GPM6A: variants seen among roughly 807,000 people sequenced by gnomAD.
GPM6A encodes neuronal membrane glycoprotein M6-a.
A neutral mutation model predicts 32.1 loss-of-function variants in GPM6A; 7 were observed. The ratio of observed to expected loss-of-function variants is 0.22; its 90% CI spans 0.12 to 0.41. The LOEUF (loss-of-function observed/expected upper bound fraction) is 0.41. Among genes scored for constraint, GPM6A ranks in the 10% least tolerant of loss-of-function variants. The probability of loss-of-function intolerance (pLI) is 1.00; values close to 1 mark genes in which losing one functional copy is unlikely to be tolerated. For missense variants in GPM6A, 235 were observed against 347.2 expected, an observed-to-expected ratio of 0.68 and a Z score of 2.57; for synonymous variants, 130 against 123.4, an observed-to-expected ratio of 1.05 and a Z score of -0.35.
intron 1 of GPM6A, among the ~76,000 whole-genome samples, chr4:175,913,621 G>T (rs1331177807): frequency 6.6e-6 from 1 of 152,138 alleles, no homozygotes; most frequent in African/African-American, 2.4e-5. Context: ...CAGCGAATTT[G>T]CTTCTCCTAG....
chr4:175,685,916 AGTGTGTGTGT>A (rs56903622), intron 2 of GPM6A, among the ~76,000 whole-genome samples: 1 of 149,420 alleles, frequency 6.7e-6, no homozygotes. Context: ...GATCATTAAA[AGTGTGTGTGT>A]GTGTGTGTGT....
intron 1 of GPM6A, among the ~76,000 whole-genome samples, chr4:175,903,712 A>G (rs1738038171): frequency 6.6e-6 from 1 of 152,174 alleles, no homozygotes. Context: ...ATTCCATAAA[A>G]TAAGTGTCCT....
At chr4:175,639,572 A>G (rs1262578900) in intron 6 of GPM6A, among the ~76,000 whole-genome samples, 1 of 152,172 alleles carries the variant, frequency 6.6e-6, no homozygotes, top group Non-Finnish European at 1.5e-5. Context: ...ATGCCAAGTT[A>G]GAAAGGAGGA....
chr4:175,983,216 T>G (rs1192467279), intron 1 of GPM6A, among the ~76,000 whole-genome samples: 1 of 152,194 alleles, frequency 6.6e-6, no homozygotes, highest in Non-Finnish European at 1.5e-5. Flanking sequence ...ACTCTTCAAG[T>G]GGCTGTGATT....
intron 1 of GPM6A, among the ~76,000 whole-genome samples, chr4:175,702,326 A>T (rs923300571): frequency 1.3e-5 from 2 of 152,230 alleles, no homozygotes; most frequent in Admixed American, 6.5e-5. Flanking sequence ...TTGTGTCGGA[A>T]CATTAAGATT....
intron 1 of GPM6A, among the ~76,000 whole-genome samples, chr4:175,981,137 A>C (rs1291709461): frequency 2.0e-5 from 3 of 152,158 alleles, no homozygotes; most frequent in Non-Finnish European, 4.4e-5. Context: ...CTGGGGAAAT[A>C]GTTTTTATTT....
intron 1 of GPM6A, among the ~76,000 whole-genome samples, chr4:175,706,950 G>A (rs114111550): frequency 6.6e-6 from 1 of 152,164 alleles, no homozygotes; most frequent in African/African-American, 2.4e-5. Context: ...ATGCTATAAG[G>A]CACTCCCACC....
At chr4:175,963,195 A>G (rs1240898255) in intron 1 of GPM6A, among the ~76,000 whole-genome samples, 1 of 152,148 alleles carries the variant, frequency 6.6e-6, no homozygotes, top group East Asian at 1.9e-4. Context: ...ACATATTTAT[A>G]ATGAGAATTC....
intron 2 of GPM6A, among the ~76,000 whole-genome samples, chr4:175,677,448 T>C (rs1335757268): frequency 6.6e-6 from 1 of 152,120 alleles, no homozygotes; most frequent in Non-Finnish European, 1.5e-5. Flanking sequence ...TAGGGAATGA[T>C]TTTCTTGTAG....
At chr4:175,814,151 T>C (rs1031237919), upstream of GPM6A, among the ~76,000 whole-genome samples, 3 of 152,242 alleles carry the variant, frequency 2.0e-5, no homozygotes, top group African/African-American at 7.2e-5. Context: ...GTGAAAGCAA[T>C]TGTTTATTGT....
chr4:175,806,667 A>G (rs1000969242), intron 1 of GPM6A, among the ~76,000 whole-genome samples: 1 of 152,242 alleles, frequency 6.6e-6, no homozygotes, highest in African/African-American at 2.4e-5. Flanking sequence ...ATTGAACTTT[A>G]TTAAAAATAT....
Position 175,723,898 on chromosome 4 carries a change from T to C in GPM6A, c.38-22131A>G, listed in dbSNP as rs367706851. On this transcript the variant is annotated intron_variant, in intron 1 of 6. Coordinates refer to ENST00000393658, the MANE Select transcript of GPM6A (RefSeq NM_201591.3). ...ATATATTATACTTGTCATTTGTTAATGTTATTTGTTGTTTATTACAATTAA... is the reference window on the plus strand; with the variant it reads ...ATATATTATACTTGTCATTTGTTAACGTTATTTGTTGTTTATTACAATTAA... 2.5e-4 allele frequency among the ~76,000 whole-genome samples: 38 copies of C among 152,302 alleles called. 1 individual carries two copies. The highest frequency in any genetic ancestry group is 1.2e-3 in the East Asian group (6 of 5,190).
chr4:175,998,160 T>C (rs1741366873), intron 1 of GPM6A, among the ~76,000 whole-genome samples: 1 of 150,662 alleles, frequency 6.6e-6, no homozygotes, highest in Non-Finnish European at 1.5e-5. Flanking sequence ...TTTTTTTTTT[T>C]CCTTTTTGTT....
intron 1 of GPM6A, among the ~76,000 whole-genome samples, chr4:175,967,886 C>T (rs1434300477): frequency 6.6e-6 from 1 of 151,982 alleles, no homozygotes; most frequent in African/African-American, 2.4e-5. Context: ...TAAATCTCAG[C>T]CAATTATTTT....
intron 1 of GPM6A, among the ~76,000 whole-genome samples, chr4:175,935,062 A>G (rs1739174606): frequency 6.6e-6 from 1 of 152,246 alleles, no homozygotes; most frequent in Non-Finnish European, 1.5e-5. Context: ...TTCCCTATGC[A>G]TATCTTGACT....
At chr4:175,693,049 C>T (rs965225905) in intron 2 of GPM6A, among the ~76,000 whole-genome samples, 1 of 151,986 alleles carries the variant, frequency 6.6e-6, no homozygotes, top group African/African-American at 2.4e-5. Flanking sequence ...ACTAGCTCTA[C>T]CATTCTTTAT....
chr4:175,844,062 C>G (rs1322356281), intron 1 of GPM6A, among the ~76,000 whole-genome samples: 1 of 152,170 alleles, frequency 6.6e-6, no homozygotes, highest in Non-Finnish European at 1.5e-5. Flanking sequence ...AATTTCTCAT[C>G]CACTGACCAC....
chr4:175,801,579 GA>G (rs1217648810), intron 1 of GPM6A, among the ~76,000 whole-genome samples: 5 of 152,082 alleles, frequency 3.3e-5, no homozygotes, highest in African/African-American at 1.2e-4. Flanking sequence ...GTTAGAGATG[GA>G]ATGAAATGAC....
intron 4 of GPM6A, among the ~76,000 whole-genome samples, chr4:175,642,790 T>C (rs1741223703): frequency 6.6e-6 from 1 of 152,086 alleles, no homozygotes; most frequent in Non-Finnish European, 1.5e-5. Context: ...TGTCAACAAC[T>C]CCTAAATCTA....
Sources: gnomAD v4.1 joint callset for allele counts (sites outside exome capture counted in the v4.1 genomes callset) on GRCh38, gnomAD v4.1.1 for gene constraint, MANE v1.5 for transcripts, NCBI Gene and HGNC (gene_info 2026-07-23, HGNC 2026-07-21) for gene names.